The following CDH4 variants were observed in gnomAD, a reference collection of about 807,000 sequenced individuals.
CDH4 encodes the protein cadherin-4.
A neutral mutation model predicts 86.0 loss-of-function variants in CDH4; 33 were observed. That is an observed-to-expected ratio of 0.38 (90% CI 0.29 to 0.51). The LOEUF is 0.51. Among genes scored for constraint, CDH4 ranks in the 20% least tolerant of loss-of-function variants. CDH4 has a pLI of 0.86. For synonymous variants in CDH4, 555 were observed against 549.4 expected (o/e 1.01, Z -0.14); for missense variants, 1,114 against 1,307.4 (o/e 0.85, Z 2.28).
chr20:61,936,970 G>T lies in CDH4; in HGVS notation c.*27G>T. On this transcript the variant is annotated 3_prime_UTR_variant, in exon 16 of 16. Transcript: ENST00000614565. ...TGACCTCGCATCTTCGGACCGAAGTGAGAGCCGTGCTCGGACGCCGGAGGA... is the reference window on the plus strand; with the variant it reads ...TGACCTCGCATCTTCGGACCGAAGTTAGAGCCGTGCTCGGACGCCGGAGGA... 6.5e-7 allele frequency: 1 copy of T among 1,535,060 alleles called. No individual in the cohort carries two copies.
chr20:61,328,896 T>C (rs1010235861), intron 2 of CDH4, among the ~76,000 whole-genome samples: 12 of 152,378 alleles, frequency 7.9e-5, no homozygotes, highest in African/African-American at 2.6e-4. Flanking sequence ...CAGATGCTCC[T>C]TAATTTACAG....
chr20:61,785,448 G>C (rs1428990288), intron 4 of CDH4, among the ~76,000 whole-genome samples: 2 of 152,206 alleles, frequency 1.3e-5, no homozygotes, highest in African/African-American at 4.8e-5. Flanking sequence ...CCTGCTAGAG[G>C]CAGGAGCTGG....
At chr20:61,648,107 C>T (rs2087084511) in intron 2 of CDH4, among the ~76,000 whole-genome samples, 1 of 152,218 alleles carries the variant, frequency 6.6e-6, no homozygotes, top group East Asian at 1.9e-4. Flanking sequence ...CCATTGCCCT[C>T]AGAGGAGCGC....
At chr20:61,608,681 T>C (rs1261423688) in intron 2 of CDH4, among the ~76,000 whole-genome samples, 1 of 152,262 alleles carries the variant, frequency 6.6e-6, no homozygotes, top group Non-Finnish European at 1.5e-5. Flanking sequence ...TTGGACGCTG[T>C]GCTCTCCTGG....
At chr20:61,267,010 A>C (rs2084161401) in intron 2 of CDH4, among the ~76,000 whole-genome samples, 1 of 152,214 alleles carries the variant, frequency 6.6e-6, no homozygotes. Flanking sequence ...GTGAAGTCAC[A>C]GGCAGAGATT....
chr20:61,473,811 ACACT>A (rs2085519738), intron 2 of CDH4, among the ~76,000 whole-genome samples: 2 of 152,154 alleles, frequency 1.3e-5, no homozygotes, highest in South Asian at 2.1e-4. Context: ...ACGCACACAG[ACACT>A]CAGACAGACA....
At chr20:61,699,883 C>T (rs1472890201) in intron 2 of CDH4, among the ~76,000 whole-genome samples, 1 of 152,166 alleles carries the variant, frequency 6.6e-6, no homozygotes, top group Non-Finnish European at 1.5e-5. Context: ...CATGGGCTGG[C>T]AATGGCTGAG....
chr20:61,281,111 A>G (rs760237006), intron 2 of CDH4, among the ~76,000 whole-genome samples: 10 of 152,148 alleles, frequency 6.6e-5, no homozygotes, highest in Admixed American at 2.0e-4. Context: ...TGGCACTGGA[A>G]TTCGGGACAG....
intron 2 of CDH4, among the ~76,000 whole-genome samples, chr20:61,545,418 A>C (rs1196034502): frequency 6.6e-6 from 1 of 152,182 alleles, no homozygotes; most frequent in Non-Finnish European, 1.5e-5. Context: ...GGTCATGGCG[A>C]TCAGTCTGTC....
intron 2 of CDH4, among the ~76,000 whole-genome samples, chr20:61,577,389 A>G (rs1369538166): frequency 2.0e-5 from 3 of 149,254 alleles, no homozygotes; most frequent in East Asian, 4.0e-4. Flanking sequence ...GGATGTTTGT[A>G]TATTGAAGGA....
chr20:61,571,639 C>G (rs1378249995), intron 2 of CDH4, among the ~76,000 whole-genome samples: 1 of 152,216 alleles, frequency 6.6e-6, no homozygotes, highest in East Asian at 1.9e-4. Flanking sequence ...CAAGCCCCAG[C>G]TCCCACTGAA....
chr20:61,353,942 G>T (rs1173600102), intron 2 of CDH4, among the ~76,000 whole-genome samples: 2 of 151,906 alleles, frequency 1.3e-5, no homozygotes, highest in Non-Finnish European at 2.9e-5. Context: ...GTGCTGAAAG[G>T]ACTTATCTTC....
intron 2 of CDH4, among the ~76,000 whole-genome samples, chr20:61,673,549 G>A (rs112059388): frequency 0.018 from 2,765 of 152,314 alleles, 90 homozygotes; most frequent in African/African-American, 0.064. Flanking sequence ...CGTGGGAGCA[G>A]CTACATCTTT....
chr20:61,933,997 G>A (rs2123012570), intron 14 of CDH4, 59 bp from the exon 15 acceptor site: 1 of 1,587,238 alleles, frequency 6.3e-7, no homozygotes, highest in Non-Finnish European at 8.6e-7. Context: ...GATGCAGGGT[G>A]GAAGGGGGGC....
chr20:61,463,271 A>G (rs2085454736), intron 2 of CDH4, among the ~76,000 whole-genome samples: 1 of 152,178 alleles, frequency 6.6e-6, no homozygotes, highest in African/African-American at 2.4e-5. Flanking sequence ...TTAGAACAGA[A>G]TAATACAGGT....
intron 9 of CDH4, among the ~76,000 whole-genome samples, chr20:61,923,242 T>C (rs1418686648): frequency 6.6e-6 from 1 of 152,056 alleles, no homozygotes; most frequent in East Asian, 1.9e-4. Flanking sequence ...CCTCCCTCTC[T>C]CCTCCCATCG....
chr20:61,658,450 T>C (rs2087216028), intron 2 of CDH4, among the ~76,000 whole-genome samples: 1 of 152,204 alleles, frequency 6.6e-6, no homozygotes, highest in South Asian at 2.1e-4. Context: ...TCAGAGACAC[T>C]TCCTTCCACT....
chr20:61,274,112 T>G (rs1317080251), intron 2 of CDH4, among the ~76,000 whole-genome samples: 3 of 127,588 alleles, frequency 2.4e-5, no homozygotes, highest in African/African-American at 9.3e-5. Flanking sequence ...CTGTGTGCAG[T>G]TTGGGGGAGT....
chr20:61,654,417 AAGAGGGAGAGGGAGACCGTGGGG>A (rs1171282684), intron 2 of CDH4, among the ~76,000 whole-genome samples: 10 of 152,064 alleles, frequency 6.6e-5, no homozygotes, highest in East Asian at 1.9e-4. Context: ...AGACCGTGGA[AAGAGGGAGAGGGAGACCGTGGGG>A]AGAGGGAGAG....
Sources: allele counts gnomAD v4.1 joint callset (sites outside exome capture counted in the v4.1 genomes callset), GRCh38; gene constraint gnomAD v4.1.1; transcripts MANE v1.5; gene names NCBI Gene and HGNC (gene_info 2026-07-23, HGNC 2026-07-21).